The following PDE4B variants were observed in gnomAD, a reference collection of about 807,000 sequenced individuals.
PDE4B encodes phosphodiesterase 4B.
A neutral mutation model predicts 82.2 loss-of-function variants in PDE4B; 20 were observed. The observed-to-expected ratio is 0.24, with a 90% CI of 0.17 to 0.35. PDE4B has a LOEUF of 0.35. Among genes scored for constraint, PDE4B ranks in the 10% least tolerant of loss-of-function variants. The pLI is 1.00. For missense variants in PDE4B, 655 were observed against 907.2 expected, an observed-to-expected ratio of 0.72 and a Z score of 3.57; for synonymous variants, 320 against 318.9, an observed-to-expected ratio of 1.00 and a Z score of -0.04.
At chr1:66,026,445 G>A (rs983535779) in intron 3 of PDE4B, among the ~76,000 whole-genome samples, 1 of 152,166 alleles carries the variant, frequency 6.6e-6, no homozygotes, top group African/African-American at 2.4e-5. Flanking sequence ...AAGCTCTCAG[G>A]CTTGAAGTCA....
At chr1:65,857,963 A>G (rs1245735979) in intron 1 of PDE4B, among the ~76,000 whole-genome samples, 1 of 151,918 alleles carries the variant, frequency 6.6e-6, no homozygotes, top group African/African-American at 2.4e-5. Flanking sequence ...GGCAGGTTAC[A>G]TAATACAGAT....
rs183042501 is a variant in PDE4B, at chr1:66,007,457, C to G, written c.281+88622C>G. Among the ~76,000 whole-genome samples, 6 of 152,072 alleles carry G rather than the reference C, an allele frequency of 3.9e-5. No homozygotes were observed. The East Asian group carries it at 9.7e-4, about 25-fold the overall frequency. ...AGAAAAACGAACAAAACAACCCCCC[C>G]CAACCAAAACCAAACAAATGAAAAA... On this transcript the variant is annotated intron_variant, in intron 3 of 16. Transcript: ENST00000341517.
chr1:66,091,092 GC>G (rs1645014286), intron 3 of PDE4B, among the ~76,000 whole-genome samples: 1 of 151,922 alleles, frequency 6.6e-6, no homozygotes, highest in African/African-American at 2.4e-5. Flanking sequence ...CTATGTGATG[GC>G]CTTTCAGACA....
chr1:66,229,230 T>C (rs1012254338), intron 3 of PDE4B, among the ~76,000 whole-genome samples: 35 of 151,792 alleles, frequency 2.3e-4, no homozygotes, highest in African/African-American at 8.0e-4. Context: ...AGGATGGTCT[T>C]GATCTCCTGA....
At chr1:66,210,810 G>A (rs1649987218) in intron 3 of PDE4B, among the ~76,000 whole-genome samples, 1 of 151,916 alleles carries the variant, frequency 6.6e-6, no homozygotes, top group Admixed American at 6.6e-5. Flanking sequence ...AGACACTGCT[G>A]TCACAGCTAC....
chr1:66,308,817 A>G (rs1419356247), intron 7 of PDE4B, among the ~76,000 whole-genome samples: 1 of 152,226 alleles, frequency 6.6e-6, no homozygotes, highest in Non-Finnish European at 1.5e-5. Context: ...TTGGATAGAA[A>G]GTGTGGGCAA....
intron 3 of PDE4B, among the ~76,000 whole-genome samples, chr1:66,101,715 G>T (rs191168402): frequency 6.6e-6 from 1 of 152,032 alleles, no homozygotes; most frequent in Non-Finnish European, 1.5e-5. Context: ...TGAGTTCTTC[G>T]TAGATTCTGG....
At chr1:66,329,119 G>T (rs542555231) in intron 7 of PDE4B, among the ~76,000 whole-genome samples, 1 of 152,166 alleles carries the variant, frequency 6.6e-6, no homozygotes, top group Non-Finnish European at 1.5e-5. Flanking sequence ...AGCTATGTGC[G>T]TGCCCTTAGT....
At chr1:66,332,424 G>A in intron 7 of PDE4B, 84 bp from the exon 8 acceptor site, 1 of 1,614,142 alleles carries the variant, frequency 6.2e-7, no homozygotes, top group Non-Finnish European at 8.5e-7. Flanking sequence ...AGTAGCACCG[G>A]AATCAGCGGT....
intron 3 of PDE4B, among the ~76,000 whole-genome samples, chr1:66,191,628 C>T (rs1019710960): frequency 6.6e-6 from 1 of 152,076 alleles, no homozygotes; most frequent in Non-Finnish European, 1.5e-5. Flanking sequence ...AATCTACATG[C>T]AAGTGGAAGG....
intron 3 of PDE4B, among the ~76,000 whole-genome samples, chr1:66,159,405 A>ATT (rs1185555240): frequency 2.1e-4 from 29 of 138,708 alleles, no homozygotes; most frequent in Middle Eastern, 3.7e-3. Context: ...ACGCCCAGCT[A>ATT]TTTTTTTTTT....
At chr1:66,178,688 A>G (rs565231532) in intron 3 of PDE4B, among the ~76,000 whole-genome samples, 1 of 152,318 alleles carries the variant, frequency 6.6e-6, no homozygotes, top group South Asian at 2.1e-4. Context: ...CACTCATGGT[A>G]TGGGCAAGGA....
intron 3 of PDE4B, among the ~76,000 whole-genome samples, chr1:66,211,534 G>A (rs1273353446): frequency 6.6e-6 from 1 of 152,152 alleles, no homozygotes; most frequent in Non-Finnish European, 1.5e-5. Flanking sequence ...TAATAATGCT[G>A]TATAATGGAG....
chr1:66,229,094 GC>G (rs1651713777), intron 3 of PDE4B, among the ~76,000 whole-genome samples: 1 of 151,998 alleles, frequency 6.6e-6, no homozygotes, highest in South Asian at 2.1e-4. Flanking sequence ...TGCTAGCTCT[GC>G]CTCCTGGGTT....
chr1:66,204,976 G>T (rs188669866), intron 3 of PDE4B, among the ~76,000 whole-genome samples: 1 of 152,094 alleles, frequency 6.6e-6, no homozygotes, highest in Non-Finnish European at 1.5e-5. Flanking sequence ...ATTCCTATTC[G>T]GCCATCTTGG....
At chr1:65,857,737 T>C (rs1480727149) in intron 1 of PDE4B, among the ~76,000 whole-genome samples, 1 of 152,198 alleles carries the variant, frequency 6.6e-6, no homozygotes, top group Non-Finnish European at 1.5e-5. Flanking sequence ...AAAAACACCA[T>C]TGGGCATACG....
chr1:66,005,977 A>G (rs1328862304), intron 3 of PDE4B, among the ~76,000 whole-genome samples: 1 of 152,202 alleles, frequency 6.6e-6, no homozygotes, highest in African/African-American at 2.4e-5. Flanking sequence ...ATGAATATTC[A>G]ATACCAGTGT....
At chr1:66,354,835 G>A in intron 8 of PDE4B, 1 of 1,535,662 alleles carries the variant, frequency 6.5e-7, no homozygotes, top group Non-Finnish European at 8.7e-7. Flanking sequence ...GTGGCAAGGA[G>A]AGCATTCCAA....
chr1:65,942,914 C>T (rs566946678), intron 3 of PDE4B, among the ~76,000 whole-genome samples: 1 of 151,956 alleles, frequency 6.6e-6, no homozygotes, highest in East Asian at 1.9e-4. Context: ...CTATTAATCC[C>T]TTATCAGCTG....
Sources: allele counts gnomAD v4.1 joint callset (sites outside exome capture counted in the v4.1 genomes callset), GRCh38; gene constraint gnomAD v4.1.1; transcripts MANE v1.5; gene names NCBI Gene and HGNC (gene_info 2026-07-23, HGNC 2026-07-21).